ADCY5: variants seen among roughly 807,000 people sequenced by gnomAD.
ADCY5 encodes adenylate cyclase 5, also known as adenylate cyclase type 5.
ADCY5 carries 30 observed loss-of-function variants against 119.7 expected under a neutral mutation model. That is an observed-to-expected ratio of 0.25 (90% CI 0.19 to 0.34). ADCY5 has a LOEUF of 0.34. Among genes scored for constraint, ADCY5 ranks in the 10% least tolerant of loss-of-function variants. ADCY5 has a pLI of 1.00. For synonymous variants in ADCY5, 753 were observed against 762.2 expected (o/e 0.99, Z 0.20); for missense variants, 1,324 against 1,775.2 (o/e 0.75, Z 4.57).
At chr3:123,367,808 T>A in intron 1 of ADCY5, 1 of 1,475,768 alleles carries the variant, frequency 6.8e-7, no homozygotes, top group Non-Finnish European at 9.0e-7. Flanking sequence ...CCTCTTTCCA[T>A]TCCTCACCTC....
At chr3:123,332,026 A>C (rs1941788568) in intron 4 of ADCY5, among the ~76,000 whole-genome samples, 1 of 152,236 alleles carries the variant, frequency 6.6e-6, no homozygotes, top group Non-Finnish European at 1.5e-5. Flanking sequence ...TAGGGGCCTA[A>C]GGAATGAACG....
chr3:123,375,507 GC>G (rs1943794401), intron 1 of ADCY5, among the ~76,000 whole-genome samples: 1 of 152,248 alleles, frequency 6.6e-6, no homozygotes, highest in South Asian at 2.1e-4. Flanking sequence ...TCTGGGGCAG[GC>G]CCCCCATTCC....
intron 1 of ADCY5, among the ~76,000 whole-genome samples, chr3:123,384,173 A>G (rs895953759): frequency 6.6e-6 from 1 of 152,206 alleles, no homozygotes; most frequent in Non-Finnish European, 1.5e-5. Flanking sequence ...AGAGGGCCTG[A>G]TGTCACTAGG....
chr3:123,333,135 C>T (rs2108414545), intron 3 of ADCY5, among the ~76,000 whole-genome samples: 1 of 152,298 alleles, frequency 6.6e-6, no homozygotes, highest in African/African-American at 2.4e-5. Flanking sequence ...GGGTGGAGCC[C>T]TCACGAATGG....
chr3:123,324,404 C>CCACACACACA (rs10522987), intron 8 of ADCY5, among the ~76,000 whole-genome samples: 17 of 109,608 alleles, frequency 1.6e-4, no homozygotes, highest in Non-Finnish European at 2.7e-4. Flanking sequence ...CACACAGAAA[C>CCACACACACA]CACACACACA....
intron 1 of ADCY5, among the ~76,000 whole-genome samples, chr3:123,427,094 G>A (rs1945432410): frequency 6.6e-6 from 1 of 152,142 alleles, no homozygotes; most frequent in South Asian, 2.1e-4. Flanking sequence ...AACCAAGGTA[G>A]AAAGACACTA....
chr3:123,447,549 C>G lies in ADCY5; in HGVS notation c.997G>C (p.Val333Leu). ...RSASEGIWWT[V>L]FFIYTIYTLL... The stretch of plus-strand genomic sequence containing the variant: ...GTGTAGATGGTGTAGATGAAGAACA[C>G]GGTCCACCAGATGCCCTCAGAGGCG... The change falls in exon 1 of 21, where the codon GTG becomes CTG. Residue 333 changes from valine (V) to leucine (L), a missense_variant. By Grantham distance (32) the Val-to-Leu change is conservative (BLOSUM62 1). Transcript: ENST00000462833. 6.2e-7 allele frequency: 1 copy of G among 1,609,442 alleles called. No individual in the cohort carries two copies. The highest frequency in any genetic ancestry group is 8.5e-7 in the Non-Finnish European group (1 of 1,179,622).
intron 1 of ADCY5, among the ~76,000 whole-genome samples, chr3:123,443,501 C>T (rs1576700946): frequency 2.0e-5 from 3 of 152,288 alleles, no homozygotes; most frequent in Admixed American, 2.0e-4. Context: ...CCTGAACAGC[C>T]ACAGCCTCGA....
chr3:123,434,252 G>A (rs1384874545), intron 1 of ADCY5, among the ~76,000 whole-genome samples: 2 of 152,178 alleles, frequency 1.3e-5, no homozygotes, highest in Non-Finnish European at 2.9e-5. Context: ...TTCACCTCTC[G>A]GAGCCTCTTA....
At chr3:123,400,412 C>T (rs929145428) in intron 1 of ADCY5, among the ~76,000 whole-genome samples, 7 of 152,192 alleles carry the variant, frequency 4.6e-5, no homozygotes, top group African/African-American at 1.7e-4. Context: ...CCCACTAATT[C>T]TGCTTCTGAG....
chr3:123,387,000 A>C (rs1944248923), intron 1 of ADCY5, among the ~76,000 whole-genome samples: 1 of 152,222 alleles, frequency 6.6e-6, no homozygotes, highest in South Asian at 2.1e-4. Flanking sequence ...TGGACCTTCA[A>C]GGAGAGGAGA....
At position 123,448,440 on chromosome 3, in the gene ADCY5, C is replaced by T. The variant is rs779142923; in HGVS notation, c.106G>A (p.Asp36Asn). 2.3e-5 allele frequency: 31 copies of T among 1,329,490 alleles called. No homozygotes were observed. In the South Asian group the frequency reaches 5.3e-4, roughly 23 times the overall value. 82.4% of individuals were successfully genotyped at this position (1,329,490 alleles called of 1,614,324 possible). A position where few individuals can be genotyped will look rare whatever the true frequency, so the allele number is the denominator to read the frequency against. The change falls in exon 1 of 21, where the codon GAT (aspartate) becomes AAT (asparagine). Residue 36 changes from aspartate (D) to asparagine (N), a missense_variant. This residue lies in a region of ADCY5 where 585 missense variants were observed against 569.9 expected (regional missense o/e 1.03). Transcript: ENST00000462833. Reference protein sequence around the residue: ...PEHRSAWGEADSRANGYPHAP... With the variant: ...PEHRSAWGEANSRANGYPHAP... ...TGGGGGTAGCCATTCGCGCGGGAATCGGCCTCGCCCCACGCAGAGCGGTGT... is the reference window on the plus strand; with the variant it reads ...TGGGGGTAGCCATTCGCGCGGGAATTGGCCTCGCCCCACGCAGAGCGGTGT...
intron 1 of ADCY5, among the ~76,000 whole-genome samples, chr3:123,390,166 C>T (rs1268208526): frequency 3.9e-5 from 6 of 152,218 alleles, no homozygotes; most frequent in Admixed American, 6.5e-5. Flanking sequence ...AGAGGCCGTC[C>T]CCTACGACCC....
chr3:123,323,089 G>A (rs1017690407), intron 8 of ADCY5, among the ~76,000 whole-genome samples: 2 of 152,188 alleles, frequency 1.3e-5, no homozygotes, highest in South Asian at 2.1e-4. Flanking sequence ...CACGGGCCAC[G>A]CTGGAGTGGG....
intron 3 of ADCY5, among the ~76,000 whole-genome samples, chr3:123,341,239 C>T (rs1243161694): frequency 6.6e-6 from 1 of 152,138 alleles, no homozygotes; most frequent in Non-Finnish European, 1.5e-5. Flanking sequence ...TCAATGGACA[C>T]TTTGTATGGA....
intron 1 of ADCY5, among the ~76,000 whole-genome samples, chr3:123,421,768 C>A (rs990266886): frequency 2.0e-5 from 3 of 152,188 alleles, no homozygotes; most frequent in Non-Finnish European, 2.9e-5. Flanking sequence ...AAACCCACTG[C>A]TATGCTATAG....
chr3:123,359,331 A>AATACATATATATATATATAT (rs1476687771), intron 1 of ADCY5, among the ~76,000 whole-genome samples: 3 of 109,764 alleles, frequency 2.7e-5, no homozygotes, highest in African/African-American at 1.1e-4. Flanking sequence ...CTTATACTAA[A>AATACATATATATATATATAT]ATATATATAT....
intron 17 of ADCY5, among the ~76,000 whole-genome samples, 184 bp from the exon 18 acceptor site, chr3:123,291,560 C>T (rs775746319): frequency 1.3e-5 from 2 of 152,182 alleles, no homozygotes; most frequent in Non-Finnish European, 2.9e-5. Flanking sequence ...TCCAGGTTTT[C>T]TCCAAAGAGC....
At chr3:123,424,221 A>C (rs918387140) in intron 1 of ADCY5, among the ~76,000 whole-genome samples, 4 of 152,194 alleles carry the variant, frequency 2.6e-5, no homozygotes, top group Admixed American at 1.3e-4. Flanking sequence ...GGCTGGGCAC[A>C]CGCTGCCCCT....
Sources: allele counts gnomAD v4.1 joint callset (sites outside exome capture counted in the v4.1 genomes callset), GRCh38; gene constraint gnomAD v4.1.1; regional missense constraint gnomAD v4.1.1; transcripts MANE v1.5; gene names NCBI Gene and HGNC (gene_info 2026-07-23, HGNC 2026-07-21).